Variants in DLG2 observed in about 807,000 individuals in gnomAD.
DLG2 encodes disks large homolog 2.
A neutral mutation model predicts 132.5 loss-of-function variants in DLG2; 45 were observed. The observed-to-expected ratio is 0.34, with a 90% CI of 0.27 to 0.44. The LOEUF is 0.44. Among genes scored for constraint, DLG2 ranks in the 20% least tolerant of loss-of-function variants. DLG2 has a pLI of 1.00. For synonymous variants in DLG2, 424 were observed against 419.6 expected, an observed-to-expected ratio of 1.01 and a Z score of -0.13; for missense variants, 1,045 against 1,196.9, an observed-to-expected ratio of 0.87 and a Z score of 1.87.
chr11:84,442,299 G>A (rs1340392487), intron 7 of DLG2, among the ~76,000 whole-genome samples: 1 of 152,074 alleles, frequency 6.6e-6, no homozygotes, highest in Non-Finnish European at 1.5e-5. Flanking sequence ...TCCTTGAGCA[G>A]TGGTTTGTTT....
At chr11:85,108,377 A>G (rs1290595979) in intron 6 of DLG2, among the ~76,000 whole-genome samples, 1 of 152,094 alleles carries the variant, frequency 6.6e-6, no homozygotes, top group East Asian at 1.9e-4. Flanking sequence ...TTTATTTATA[A>G]CTTTCTTCAG....
At position 84,839,526 on chromosome 11, in the gene DLG2, G is replaced by A. The variant is rs577184919; in HGVS notation, c.357+272135C>T. ...TTCATATGGAACCAAAAAAGAGCCCGCATTGCCAAGACAATCCTAAGCAAA... is the reference window on the plus strand; with the variant it reads ...TTCATATGGAACCAAAAAAGAGCCCACATTGCCAAGACAATCCTAAGCAAA... On this transcript the variant is annotated intron_variant, in intron 6 of 27. Transcript: ENST00000376104. Among the ~76,000 whole-genome samples the A allele has an allele frequency of 4.8e-3, 732 of 152,064 alleles. 6 individuals are homozygous for A. The highest frequency in any genetic ancestry group is 4.8e-3 in the Non-Finnish European group (323 of 67,938).
chr11:84,609,731 A>G (rs12274858), intron 6 of DLG2, among the ~76,000 whole-genome samples: 1,974 of 152,262 alleles, frequency 0.013, 55 homozygotes, highest in African/African-American at 0.045. Flanking sequence ...TTATGATTGG[A>G]TATACTAGTA....
At chr11:85,247,377 A>C (rs2076187614) in intron 4 of DLG2, among the ~76,000 whole-genome samples, 1 of 151,916 alleles carries the variant, frequency 6.6e-6, no homozygotes, top group Non-Finnish European at 1.5e-5. Flanking sequence ...TCATTCATAG[A>C]CCATAGGAAT....
At chr11:84,836,886 T>C (rs1162358807) in intron 6 of DLG2, among the ~76,000 whole-genome samples, 1 of 151,884 alleles carries the variant, frequency 6.6e-6, no homozygotes, top group Non-Finnish European at 1.5e-5. Context: ...ACACTTTCAG[T>C]TTTAGGGTAC....
intron 15 of DLG2, among the ~76,000 whole-genome samples, chr11:83,889,432 C>A (rs61901774): frequency 6.6e-6 from 1 of 150,544 alleles, no homozygotes; most frequent in Admixed American, 6.6e-5. Flanking sequence ...AGTTAGAATG[C>A]CAATCATCAA....
Position 85,559,159 on chromosome 11 carries a change from T to A in DLG2, c.40+39498A>T, listed in dbSNP as rs933068647. 3.1e-4 allele frequency among the ~76,000 whole-genome samples: 47 copies of A among 150,600 alleles called. 1 individual carries two copies. The highest frequency in any genetic ancestry group is 1.1e-3 in the African/African-American group (45 of 41,256). ...ATGGCTTCCATTATTATTATTATTT[T>A]TTTTTTTTTTGAGACGGTGTCTTGC... On this transcript the variant is annotated intron_variant, in intron 3 of 27. Transcript: ENST00000376104.
intron 6 of DLG2, among the ~76,000 whole-genome samples, chr11:84,935,087 C>T (rs184206587): frequency 2.0e-5 from 3 of 152,266 alleles, no homozygotes; most frequent in Admixed American, 1.3e-4. Context: ...CTAGCAGTCA[C>T]CTCTGACAAT....
At chr11:83,513,910 C>T (rs925397242) in intron 21 of DLG2, among the ~76,000 whole-genome samples, 9 of 152,170 alleles carry the variant, frequency 5.9e-5, no homozygotes, top group Non-Finnish European at 1.2e-4. Flanking sequence ...ATACCAGTAC[C>T]ACGCTGTTTT....
At chr11:85,089,411 T>G (rs1305725020) in intron 6 of DLG2, among the ~76,000 whole-genome samples, 1 of 152,194 alleles carries the variant, frequency 6.6e-6, no homozygotes, top group Non-Finnish European at 1.5e-5. Flanking sequence ...TGCATTAATT[T>G]GCTTATGATA....
chr11:83,935,087 T>C (rs118059788), intron 14 of DLG2, among the ~76,000 whole-genome samples: 3 of 152,316 alleles, frequency 2.0e-5, no homozygotes, highest in Non-Finnish European at 4.4e-5. Flanking sequence ...TGGGTTGCCA[T>C]AATAGGAGGG....
intron 11 of DLG2, among the ~76,000 whole-genome samples, chr11:84,005,821 A>G (rs2094548146): frequency 6.6e-6 from 1 of 151,856 alleles, no homozygotes; most frequent in African/African-American, 2.4e-5. Flanking sequence ...ACAAAAAATA[A>G]CGGACGCTGA....
At chr11:85,016,197 A>C (rs1007141341) in intron 6 of DLG2, among the ~76,000 whole-genome samples, 2 of 152,084 alleles carry the variant, frequency 1.3e-5, no homozygotes, top group Non-Finnish European at 2.9e-5. Context: ...TAAATTGTGT[A>C]TGTTTCTCTT....
intron 6 of DLG2, among the ~76,000 whole-genome samples, chr11:84,642,541 T>C (rs1452569404): frequency 2.0e-5 from 3 of 152,154 alleles, no homozygotes; most frequent in Admixed American, 6.5e-5. Context: ...TCTGGGTATA[T>C]AATGGGAAAC....
intron 6 of DLG2, among the ~76,000 whole-genome samples, chr11:84,702,848 G>T (rs1257991027): frequency 6.6e-6 from 1 of 151,386 alleles, no homozygotes; most frequent in Non-Finnish European, 1.5e-5. Context: ...CTTCATCATT[G>T]CCTTCTCAGA....
chr11:84,916,480 A>G (rs1380580832), intron 6 of DLG2, among the ~76,000 whole-genome samples: 2 of 151,960 alleles, frequency 1.3e-5, no homozygotes, highest in Admixed American at 1.3e-4. Flanking sequence ...AGGACTCAAT[A>G]TCAGTGTCGA....
intron 3 of DLG2, among the ~76,000 whole-genome samples, chr11:85,375,246 G>A (rs921755047): frequency 6.6e-6 from 1 of 152,120 alleles, no homozygotes; most frequent in Admixed American, 6.5e-5. Flanking sequence ...GAATATTGGA[G>A]AATAAGCAAA....
chr11:83,724,852 T>A (rs991861270), intron 18 of DLG2: 1 of 702,366 alleles, frequency 1.4e-6, no homozygotes, highest in Non-Finnish European at 2.6e-6. Context: ...AGCATGATTC[T>A]CACCACAGCT....
intron 6 of DLG2, among the ~76,000 whole-genome samples, chr11:84,727,290 T>C (rs1236517038): frequency 1.3e-5 from 2 of 152,172 alleles, no homozygotes; most frequent in Non-Finnish European, 2.9e-5. Context: ...AAGGAACGGG[T>C]CCAGTGTCAG....
Sources: gnomAD v4.1 joint callset for allele counts (sites outside exome capture counted in the v4.1 genomes callset) on GRCh38, gnomAD v4.1.1 for gene constraint, MANE v1.5 for transcripts, NCBI Gene and HGNC (gene_info 2026-07-23, HGNC 2026-07-21) for gene names.